DHCR7: variants seen among roughly 807,000 people sequenced by gnomAD.
The protein encoded by DHCR7 is 7-dehydrocholesterol reductase.
In DHCR7, 40 loss-of-function variants were observed where a neutral mutation model predicts 43.3. That is an observed-to-expected ratio of 0.92 (90% CI 0.72 to 1.20). The LOEUF is 1.20. DHCR7 is among the 50% of genes most tolerant of loss of function. The pLI, the probability that DHCR7 is intolerant of heterozygous loss-of-function variation, is 0.00. For synonymous variants in DHCR7, 298 were observed against 271.4 expected (o/e 1.10, Z -0.96); for missense variants, 608 against 644.6 (o/e 0.94, Z 0.62).
At chr11:71,434,045 G>T (rs1949244867), downstream of DHCR7, among the ~76,000 whole-genome samples, 1 of 152,222 alleles carries the variant, frequency 6.6e-6, no homozygotes, top group Non-Finnish European at 1.5e-5. Context: ...CCCTGGCATG[G>T]GCACTGGGCT....
chr11:71,441,133 A>G, intron 6 of DHCR7, 94 bp downstream of exon 6: 1 of 1,167,246 alleles, frequency 8.6e-7, no homozygotes, highest in Non-Finnish European at 1.3e-6. Flanking sequence ...CTCAGTGCTC[A>G]GGGCTTTACA....
At chr11:71,430,955 G>A (rs1949224902), downstream of DHCR7, among the ~76,000 whole-genome samples, 1 of 152,204 alleles carries the variant, frequency 6.6e-6, no homozygotes, top group Admixed American at 6.5e-5. Flanking sequence ...AGGAGTTCGA[G>A]ACCAGCCTGA....
At chr11:71,442,122 C>G in intron 5 of DHCR7, 141 bp downstream of exon 5, 1 of 697,834 alleles carries the variant, frequency 1.4e-6, no homozygotes, top group Non-Finnish European at 2.5e-6. Flanking sequence ...GGTTTTGAGG[C>G]CTGGTGCTGT....
downstream of DHCR7, among the ~76,000 whole-genome samples, chr11:71,430,763 C>T (rs1193435491): frequency 2.0e-5 from 3 of 152,214 alleles, no homozygotes; most frequent in African/African-American, 7.2e-5. Context: ...GTCATCTTCC[C>T]CAAAGTCAGG....
At chr11:71,428,259 T>C (rs1212174157) in exon 3 of DHCR7, 1 of 152,284 alleles carries the variant, frequency 6.6e-6, no homozygotes, top group Non-Finnish European at 1.5e-5. Flanking sequence ...GATCTTATGA[T>C]GAGAGAATCC....
chr11:71,439,702 G>A (rs1021191143), intron 6 of DHCR7, among the ~76,000 whole-genome samples: 19 of 152,198 alleles, frequency 1.2e-4, no homozygotes. Flanking sequence ...GGTCTAGCTG[G>A]CTGAGGACAC....
rs1401155567 is a variant in DHCR7, at chr11:71,434,851, C to A, written c.*524G>T. The A allele has an allele frequency of 2.3e-5, 8 of 348,140 alleles. No individual in the cohort carries two copies. Among genetic ancestry groups the A allele is most frequent in the Non-Finnish European group, 4.0e-5 (7 of 176,456 alleles). 21.6% of individuals were successfully genotyped at this position (348,140 alleles called of 1,614,324 possible). ...TTCTCCCCAGTGTCCCAGTTCAACA[C>A]CGTGCACGCTACCAAGGAGAAACGG... On this transcript the variant is annotated 3_prime_UTR_variant, in exon 9 of 9. Transcript: ENST00000355527.
downstream of DHCR7, among the ~76,000 whole-genome samples, chr11:71,434,261 G>T (rs116125233): frequency 6.6e-6 from 1 of 152,058 alleles, no homozygotes; most frequent in African/African-American, 2.4e-5. Flanking sequence ...ACGCACCCAC[G>T]GGCACCCAAT....
rs1404262569 is a variant in DHCR7 at position 71,439,015 on chromosome 11, C to A, written c.695G>T (p.Trp232Leu). The change falls in exon 7 of 9, where the codon TGG (tryptophan) becomes TTG (leucine). Residue 232 changes from tryptophan to leucine, a missense_variant. By Grantham distance (61) the Trp-to-Leu change is moderately conservative (BLOSUM62 -2). Transcript: ENST00000355527. ...GIEFNPRIGK[W>L]FDFKLFFNGR... The stretch of plus-strand genomic sequence containing the variant: ...ATTGAAGAACAGCTTGAAGTCAAAC[C>A]ACTTCCCGATCCGAGGGTTAAACTC... 6.2e-7 allele frequency: 1 copy of A among 1,614,002 alleles called. No individual in the cohort carries two copies. Among genetic ancestry groups the A allele is most frequent in the Admixed American group, 1.7e-5 (1 of 60,006 alleles).
intron 7 of DHCR7, among the ~76,000 whole-genome samples, chr11:71,438,589 C>T (rs937103664): frequency 1.3e-5 from 2 of 152,034 alleles, no homozygotes; most frequent in African/African-American, 4.8e-5. Flanking sequence ...AGGTTAACTC[C>T]CACACACCCC....
chr11:71,440,850 C>T (rs1949340902), intron 6 of DHCR7, among the ~76,000 whole-genome samples: 1 of 152,092 alleles, frequency 6.6e-6, no homozygotes, highest in Non-Finnish European at 1.5e-5. Context: ...TTAATTAAAG[C>T]CACAGGGACA....
In DHCR7 at chr11:71,441,279, A is replaced by T; in HGVS notation, c.574T>A (p.Ser192Thr). The T allele has an allele frequency of 3.7e-6, 6 of 1,614,202 alleles. No homozygotes were observed. Among genetic ancestry groups the T allele is most frequent in the Non-Finnish European group, 5.1e-6 (6 of 1,180,030 alleles). ...TAGCCCTTGACCATGGCGAAGGTGG[A>T]GACGGCATAGCCAAGGATGTTGGCG... The part of the protein sequence containing the change: ...WCANILGYAV[S>T]TFAMVKGYFF... Residue 192 changes from serine (S) to threonine (T), a missense_variant, in exon 6 of 9, where the codon TCC becomes ACC. By Grantham distance (58) the Ser-to-Thr change is moderately conservative (BLOSUM62 1). Coordinates refer to ENST00000355527, the MANE Select transcript of DHCR7 (RefSeq NM_001360.3).
chr11:71,435,963 C>T lies in DHCR7; in HGVS notation c.964-124G>A, dbSNP rs191941044. ...CTGCCTCTGACACACGCCTTGCCTC[C>T]GTGTTCTCTTCTGTGAATAAAAGCA... On this transcript the variant is annotated intron_variant, in intron 8 of 8. Coordinates refer to ENST00000355527, the MANE Select transcript of DHCR7 (RefSeq NM_001360.3). 1.1e-4 allele frequency: 87 copies of T among 780,792 alleles called. No individual in the cohort carries two copies. In the African/African-American group the frequency reaches 1.3e-3, roughly 12 times the overall value. The allele number at this position is 780,792 out of a possible 1,614,324, so 48.4% of individuals were successfully genotyped here.
chr11:71,440,587 G>A (rs1949338423), intron 6 of DHCR7, among the ~76,000 whole-genome samples: 1 of 151,128 alleles, frequency 6.6e-6, no homozygotes, highest in Admixed American at 6.6e-5. Flanking sequence ...GTGATGGGAG[G>A]GTAGATGGAT....
intron 5 of DHCR7, 71 bp downstream of exon 5, chr11:71,442,192 T>A (rs1441086690): frequency 8.7e-7 from 1 of 1,154,148 alleles, no homozygotes; most frequent in Non-Finnish European, 1.3e-6. Context: ...AAAGCAGCGC[T>A]GGGGAGGACT....
intron 2 of DHCR7, among the ~76,000 whole-genome samples, chr11:71,447,053 T>A (rs966121242): frequency 2.0e-5 from 3 of 152,152 alleles, no homozygotes. Flanking sequence ...ACTTACCAGC[T>A]CAGTGCCCCC....
downstream of DHCR7, among the ~76,000 whole-genome samples, chr11:71,429,702 G>A (rs990557674): frequency 2.6e-5 from 4 of 151,994 alleles, no homozygotes; most frequent in African/African-American, 4.8e-5. Context: ...ACTCATGAGC[G>A]GCGTTCAGGA....
chr11:71,430,725 G>A (rs76451164), downstream of DHCR7, among the ~76,000 whole-genome samples: 1,826 of 152,328 alleles, frequency 0.012, 37 homozygotes, highest in African/African-American at 0.042. Flanking sequence ...AGTGGAGAGG[G>A]GAGCTAGAGA....
At chr11:71,440,238 C>G (rs571498080) in intron 6 of DHCR7, among the ~76,000 whole-genome samples, 2 of 152,314 alleles carry the variant, frequency 1.3e-5, no homozygotes, top group East Asian at 3.9e-4. Flanking sequence ...GGACATTGCT[C>G]AGGCAGGAGG....
Sources: allele counts gnomAD v4.1 joint callset (sites outside exome capture counted in the v4.1 genomes callset), GRCh38; gene constraint gnomAD v4.1.1; transcripts MANE v1.5; gene names NCBI Gene and HGNC (gene_info 2026-07-23, HGNC 2026-07-21).